The following RGS6 variants were observed in gnomAD, a reference collection of about 807,000 sequenced individuals.
The protein encoded by RGS6 is regulator of G-protein signaling 6.
Under a neutral mutation model 78.5 loss-of-function variants are expected in RGS6, and 30 were observed. The observed-to-expected ratio is 0.38, with a 90% CI of 0.29 to 0.52. RGS6 has a LOEUF of 0.52. Among genes scored for constraint, RGS6 ranks in the 20% least tolerant of loss-of-function variants. The pLI is 0.85. For missense variants in RGS6, 495 were observed against 609.7 expected, an observed-to-expected ratio of 0.81 and a Z score of 1.98; for synonymous variants, 206 against 206.0, an observed-to-expected ratio of 1.00 and a Z score of 0.00.
chr14:72,028,574 TG>T (rs2090317783), intron 2 of RGS6, among the ~76,000 whole-genome samples: 2 of 152,226 alleles, frequency 1.3e-5, no homozygotes, highest in South Asian at 4.1e-4. Flanking sequence ...CCTCATGGTA[TG>T]GTTTCAAAGG....
At chr14:72,487,208 T>A (rs1188513269) in intron 12 of RGS6, among the ~76,000 whole-genome samples, 7 of 152,254 alleles carry the variant, frequency 4.6e-5, no homozygotes, top group Non-Finnish European at 1.0e-4. Flanking sequence ...GTTGTGATAG[T>A]GGCAGCAAAA....
the RGS6 span, among the ~76,000 whole-genome samples, chr14:72,588,425 T>C: frequency 1.3e-5 from 2 of 152,172 alleles, no homozygotes; most frequent in African/African-American, 4.8e-5. Context: ...CTTAAAATAT[T>C]GGGGGGCCCT....
intron 1 of RGS6, among the ~76,000 whole-genome samples, chr14:71,953,976 T>TTTTG (rs1409598789): frequency 6.8e-6 from 1 of 146,242 alleles, no homozygotes; most frequent in African/African-American, 2.6e-5. Flanking sequence ...GGCGTTTTTT[T>TTTTG]TTTTTTTTTT....
rs750317509 is a variant in RGS6 at position 72,147,897 on chromosome 14, C to T, written c.84+183022C>T. 2.6e-5 allele frequency among the ~76,000 whole-genome samples: 4 copies of T among 152,062 alleles called. No homozygotes were observed. The South Asian group carries it at 6.2e-4, about 24-fold the overall frequency. On this transcript the variant is annotated intron_variant, in intron 2 of 17. Transcript: ENST00000553525. ...CTGTAATCCCAGCACTTTGGGAGGC[C>T]AAGGCGGGCAGATCACGAAGTCAGG... is the stretch of plus-strand genomic sequence containing the variant.
At chr14:72,172,769 A>G (rs1183634614) in intron 2 of RGS6, among the ~76,000 whole-genome samples, 1 of 152,200 alleles carries the variant, frequency 6.6e-6, no homozygotes, top group Non-Finnish European at 1.5e-5. Flanking sequence ...ACCGAAACAA[A>G]GTCACTCCAC....
At chr14:71,984,836 T>TC (rs2094621685) in intron 2 of RGS6, among the ~76,000 whole-genome samples, 1 of 152,182 alleles carries the variant, frequency 6.6e-6, no homozygotes, top group South Asian at 2.1e-4. Flanking sequence ...GAATTTTTTT[T>TC]CCATTCCTCT....
At chr14:72,426,778 A>G (rs1336883791) in intron 3 of RGS6, among the ~76,000 whole-genome samples, 1 of 152,210 alleles carries the variant, frequency 6.6e-6, no homozygotes, top group Non-Finnish European at 1.5e-5. Context: ...TTGAGGGCTG[A>G]TCTTGTGTGA....
In RGS6 at chr14:71,932,804, T is replaced by A. The variant is rs938750564; in HGVS notation, c.-158T>A. ...GGAGCGGCGCGGAGACGGACTAGAC[T>A]TCCCCTCCGCCCCCAAGAGGCTGCC... On this transcript the variant is annotated 5_prime_UTR_variant, in exon 1 of 18. Transcript: ENST00000553525. The A allele has an allele frequency of 6.6e-6, 1 of 152,180 alleles. No individual in the cohort carries two copies. Among genetic ancestry groups the A allele is most frequent in the African/African-American group, 2.4e-5 (1 of 41,440 alleles). The allele number at this position is 152,180 out of a possible 1,614,324, so 9.4% of individuals were successfully genotyped here. A position where few individuals can be genotyped will look rare whatever the true frequency, so the allele number is the denominator to read the frequency against.
intron 3 of RGS6, among the ~76,000 whole-genome samples, chr14:72,406,880 CTTGG>C (rs2092974365): frequency 6.6e-6 from 1 of 152,162 alleles, no homozygotes; most frequent in Admixed American, 6.5e-5. Flanking sequence ...ATGGCTGCAG[CTTGG>C]GTTGTGCCCA....
chr14:72,426,856 C>T (rs917273574), intron 3 of RGS6, among the ~76,000 whole-genome samples: 1 of 152,202 alleles, frequency 6.6e-6, no homozygotes, highest in Non-Finnish European at 1.5e-5. Context: ...GAACTATCAC[C>T]TCTCCATCCC....
chr14:72,018,705 T>G (rs1334620676), intron 2 of RGS6, among the ~76,000 whole-genome samples: 2 of 152,178 alleles, frequency 1.3e-5, no homozygotes, highest in African/African-American at 4.8e-5. Flanking sequence ...GCCCACAGAC[T>G]TTGCCTGTTT....
At chr14:72,289,231 G>A (rs1410581805) in intron 2 of RGS6, among the ~76,000 whole-genome samples, 2 of 152,006 alleles carry the variant, frequency 1.3e-5, no homozygotes, top group African/African-American at 2.4e-5. Flanking sequence ...AGCTGAGGCC[G>A]TATCTCCTAA....
intron 2 of RGS6, among the ~76,000 whole-genome samples, chr14:72,257,142 T>G (rs988800227): frequency 1.3e-5 from 2 of 152,238 alleles, no homozygotes; most frequent in African/African-American, 4.8e-5. Flanking sequence ...TCCCTCATAG[T>G]TAATCACTCA....
intron 2 of RGS6, among the ~76,000 whole-genome samples, chr14:72,153,906 A>G (rs1163470488): frequency 6.6e-6 from 1 of 152,176 alleles, no homozygotes; most frequent in Non-Finnish European, 1.5e-5. Flanking sequence ...TCGAGAGCAG[A>G]GAACTGGTCT....
At chr14:72,248,131 T>A (rs1187918813) in intron 2 of RGS6, among the ~76,000 whole-genome samples, 1 of 152,210 alleles carries the variant, frequency 6.6e-6, no homozygotes. Flanking sequence ...CCTAGAGACC[T>A]TTCCAGGGGT....
At chr14:72,215,445 A>C (rs1190506487) in intron 2 of RGS6, among the ~76,000 whole-genome samples, 1 of 152,200 alleles carries the variant, frequency 6.6e-6, no homozygotes, top group Non-Finnish European at 1.5e-5. Flanking sequence ...TTTCCTCAGC[A>C]AGGCCATTTT....
At chr14:72,273,044 A>G (rs987520920) in intron 2 of RGS6, among the ~76,000 whole-genome samples, 6 of 151,116 alleles carry the variant, frequency 4.0e-5, no homozygotes, top group Non-Finnish European at 7.4e-5. Flanking sequence ...TGAACCTGGG[A>G]AGCTGAGGTT....
intron 3 of RGS6, among the ~76,000 whole-genome samples, chr14:72,454,009 A>G (rs904041182): frequency 6.6e-6 from 1 of 152,250 alleles, no homozygotes; most frequent in Non-Finnish European, 1.5e-5. Flanking sequence ...TGGAAATGTA[A>G]TCTAGCTATG....
At chr14:71,931,020 A>G (rs1236412378), upstream of RGS6, among the ~76,000 whole-genome samples, 1 of 130,476 alleles carries the variant, frequency 7.7e-6, no homozygotes, top group Non-Finnish European at 1.6e-5. Flanking sequence ...AAAAAAAAGC[A>G]GAGCTCCTCA....
Sources: allele counts gnomAD v4.1 joint callset (sites outside exome capture counted in the v4.1 genomes callset), GRCh38; gene constraint gnomAD v4.1.1; transcripts MANE v1.5; gene names NCBI Gene and HGNC (gene_info 2026-07-23, HGNC 2026-07-21).